PM20D2: variants seen among roughly 807,000 people sequenced by gnomAD.
The protein encoded by PM20D2 is peptidase M20 domain containing 2.
Under a neutral mutation model 42.9 loss-of-function variants are expected in PM20D2, and 33 were observed. The observed-to-expected ratio is 0.77, with a 90% CI of 0.58 to 1.03. The LOEUF is 1.03. Among genes scored for constraint, PM20D2 ranks in the 50% least tolerant of loss-of-function variants. The pLI is 0.00. For synonymous variants in PM20D2, 250 were observed against 228.2 expected, an observed-to-expected ratio of 1.10 and a Z score of -0.86; for missense variants, 548 against 557.0, an observed-to-expected ratio of 0.98 and a Z score of 0.16.
At position 89,149,565 on chromosome 6, in the gene PM20D2, T is replaced by C. The variant is rs546193216; in HGVS notation, c.614+152T>C. 2.8e-4 allele frequency: 272 copies of C among 976,936 alleles called. 3 individuals are homozygous for C. In the South Asian group the frequency reaches 4.8e-3, roughly 17 times the overall value. 60.5% of individuals were successfully genotyped at this position (976,936 alleles called of 1,614,324 possible). A position where few individuals can be genotyped will look rare whatever the true frequency, so the allele number is the denominator to read the frequency against. The stretch of plus-strand genomic sequence containing the variant: ...ATGTCTTGATCTATGGAGTGACATT[T>C]GGCAAGCCTCTTCTAATTGAGATTC... On this transcript the variant is annotated intron_variant, in intron 2 of 6. Coordinates refer to ENST00000275072, the MANE Select transcript of PM20D2 (RefSeq NM_001010853.3).
chr6:89,095,594 G>C, the PM20D2 span, among the ~76,000 whole-genome samples: 1 of 152,176 alleles, frequency 6.6e-6, no homozygotes, highest in Non-Finnish European at 1.5e-5. Context: ...ATTCTTATTT[G>C]TAATGCAACA....
chr6:89,153,499 C>T (rs1770926477), intron 3 of PM20D2, among the ~76,000 whole-genome samples: 1 of 151,290 alleles, frequency 6.6e-6, no homozygotes, highest in Non-Finnish European at 1.5e-5. Context: ...TTCCAGTTGT[C>T]CTCATTATTT....
rs529374190 is a variant in PM20D2 at position 89,165,331 on chromosome 6, G to C, written c.*3068G>C. ...TAAGATAAATGTTATCTTTGTACTAGATAGCAACCCTTTATAAGGTTGTAA... is the reference window on the plus strand; with the variant it reads ...TAAGATAAATGTTATCTTTGTACTACATAGCAACCCTTTATAAGGTTGTAA... On this transcript the variant is annotated 3_prime_UTR_variant, in exon 7 of 7. Transcript: ENST00000275072. 5 of 152,090 alleles carry C rather than the reference G, an allele frequency of 3.3e-5. No homozygotes were observed. Among genetic ancestry groups the C allele is most frequent in the African/African-American group, 1.2e-4 (5 of 41,490 alleles). The allele number at this position is 152,090 out of a possible 1,614,324, so 9.4% of individuals were successfully genotyped here. A position where few individuals can be genotyped will look rare whatever the true frequency, so the allele number is the denominator to read the frequency against.
the PM20D2 span, among the ~76,000 whole-genome samples, chr6:89,131,999 A>G: frequency 6.6e-6 from 1 of 152,212 alleles, no homozygotes; most frequent in African/African-American, 2.4e-5. Context: ...AAAAAGGAGA[A>G]TGCAAAAGTT....
At chr6:89,139,819 GA>G in the PM20D2 span, among the ~76,000 whole-genome samples, 1 of 152,184 alleles carries the variant, frequency 6.6e-6, no homozygotes, top group Non-Finnish European at 1.5e-5. Flanking sequence ...GGTTCTGGGG[GA>G]AAAGAGAAAT....
At chr6:89,121,357 C>T in the PM20D2 span, among the ~76,000 whole-genome samples, 1 of 152,034 alleles carries the variant, frequency 6.6e-6, no homozygotes, top group Non-Finnish European at 1.5e-5. Flanking sequence ...GAGAGAACAT[C>T]GTCGGGCACG....
the PM20D2 span, among the ~76,000 whole-genome samples, chr6:89,116,667 T>C: frequency 3.0e-4 from 46 of 151,688 alleles, no homozygotes; most frequent in Non-Finnish European, 1.5e-5. Context: ...CCCATCTACT[T>C]TGGATGCTGA....
At chr6:89,110,292 G>T in the PM20D2 span, among the ~76,000 whole-genome samples, 1 of 152,170 alleles carries the variant, frequency 6.6e-6, no homozygotes, top group Non-Finnish European at 1.5e-5. Flanking sequence ...TTATTGAAAT[G>T]AAAAGATACT....
In PM20D2 at chr6:89,146,650, G is replaced by A. The variant is rs1582329890; in HGVS notation, c.465+41G>A. On this transcript the variant is annotated intron_variant, in intron 1 of 6. Transcript: ENST00000275072. ...GGTGCGGGACCCTATCCGACTGCCC[G>A]GGTCGGGGGCGACCCGGGAAGGGCG... The A allele has an allele frequency of 2.2e-6, 3 of 1,354,476 alleles. No individual in the cohort carries two copies. The African/African-American group carries it at 4.7e-5, about 21-fold the overall frequency. The allele number at this position is 1,354,476 out of a possible 1,614,324, so 83.9% of individuals were successfully genotyped here.
intron 1 of PM20D2, among the ~76,000 whole-genome samples, chr6:89,147,873 A>G (rs1582332743): frequency 1.3e-5 from 2 of 151,168 alleles, no homozygotes; most frequent in East Asian, 3.9e-4. Flanking sequence ...ATCCTGGGCA[A>G]CAGAGCGAGG....
the PM20D2 span, among the ~76,000 whole-genome samples, chr6:89,095,493 T>C: frequency 1.3e-5 from 2 of 152,236 alleles, no homozygotes; most frequent in Admixed American, 1.3e-4. Flanking sequence ...AGAAATTTAA[T>C]GTAGTTTAGA....
chr6:89,135,256 A>G, the PM20D2 span, among the ~76,000 whole-genome samples: 1 of 151,370 alleles, frequency 6.6e-6, no homozygotes, highest in Non-Finnish European at 1.5e-5. Flanking sequence ...TGGTTTTGTA[A>G]TGTAGTTTTC....
chr6:89,162,303 ATTT>A lies in PM20D2; in HGVS notation c.*45_*47del, dbSNP rs370779289. ...ACTTATAAATCAAGAAGACGTGATG[ATTT>A]TTTTCTTTTAATCTCTTTTAATGAA... On this transcript the variant is annotated 3_prime_UTR_variant, in exon 7 of 7. Transcript: ENST00000275072. The A allele has an allele frequency of 3.8e-5, 59 of 1,554,762 alleles. No individual in the cohort carries two copies. The highest frequency in any genetic ancestry group is 4.9e-5 in the Non-Finnish European group (56 of 1,149,824).
chr6:89,121,755 G>C, the PM20D2 span, among the ~76,000 whole-genome samples: 4 of 152,112 alleles, frequency 2.6e-5, no homozygotes, highest in Non-Finnish European at 4.4e-5. Flanking sequence ...TTTTACATGA[G>C]AGTTTCATAT....
At chr6:89,116,107 G>A in the PM20D2 span, among the ~76,000 whole-genome samples, 1 of 152,186 alleles carries the variant, frequency 6.6e-6, no homozygotes, top group African/African-American at 2.4e-5. Flanking sequence ...GCACCTTTTA[G>A]ATGGCATATT....
chr6:89,110,601 C>A, the PM20D2 span, among the ~76,000 whole-genome samples: 1 of 152,136 alleles, frequency 6.6e-6, no homozygotes, highest in South Asian at 2.1e-4. Flanking sequence ...AGCCTCTGAT[C>A]CTTTTGTTAC....
chr6:89,137,530 A>C, the PM20D2 span, among the ~76,000 whole-genome samples: 1 of 152,236 alleles, frequency 6.6e-6, no homozygotes, highest in Non-Finnish European at 1.5e-5. Context: ...ATCTTGCATG[A>C]AAATTATTTA....
chr6:89,113,785 G>T, the PM20D2 span, among the ~76,000 whole-genome samples: 1 of 152,066 alleles, frequency 6.6e-6, no homozygotes, highest in South Asian at 2.1e-4. Flanking sequence ...CTGAACTACA[G>T]GTGCGCACTA....
chr6:89,094,854 G>A, the PM20D2 span, among the ~76,000 whole-genome samples: 7 of 150,612 alleles, frequency 4.6e-5, no homozygotes, highest in East Asian at 1.4e-3. Flanking sequence ...AAGAAACTGA[G>A]GCTCACAGAT....
Sources: allele counts gnomAD v4.1 joint callset (sites outside exome capture counted in the v4.1 genomes callset), GRCh38; gene constraint gnomAD v4.1.1; transcripts MANE v1.5; gene names NCBI Gene and HGNC (gene_info 2026-07-23, HGNC 2026-07-21).